The following APBB3 variants were observed in gnomAD, a reference collection of about 807,000 sequenced individuals.
APBB3 encodes the protein amyloid-beta A4 precursor protein-binding family B member 3.
A neutral mutation model predicts 61.5 loss-of-function variants in APBB3; 50 were observed. That is an observed-to-expected ratio of 0.81 (90% CI 0.65 to 1.03). The LOEUF is 1.03. Ranked by LOEUF, APBB3 falls within the 50% of genes least tolerant of loss-of-function variation. The pLI is 0.00. For missense variants in APBB3, 550 were observed against 637.4 expected, an observed-to-expected ratio of 0.86 and a Z score of 1.48; for synonymous variants, 235 against 233.0, an observed-to-expected ratio of 1.01 and a Z score of -0.08.
chr5:140,561,592 C>T lies in APBB3; in HGVS notation c.742G>A (p.Ala248Thr). ...AIASALHGLCAQILSERVEVS... is the reference protein window; with the variant it reads ...AIASALHGLCTQILSERVEVS... ...GCCCCACCCCTGACACTTACCTGGG[C>T]ACAAAGCCCATGTAGGGCACTGGCA... Residue 248 changes from alanine (A) to threonine (T), a missense_variant, in exon 8 of 13, where the codon GCC becomes ACC. Ala to Thr is a moderately conservative substitution (Grantham distance 58). Around this residue, in one of 3 missense-constraint regions of APBB3, gnomAD observed 405 missense variants for 483.4 expected, o/e 0.84. Coordinates refer to ENST00000357560, the MANE Select transcript of APBB3 (RefSeq NM_133173.3). The T allele has an allele frequency of 6.2e-7, 1 of 1,614,176 alleles. No individual in the cohort carries two copies. Among genetic ancestry groups the T allele is most frequent in the South Asian group, 1.1e-5 (1 of 91,084 alleles).
chr5:140,563,170 G>A (rs533389493), intron 3 of APBB3, among the ~76,000 whole-genome samples: 2 of 151,448 alleles, frequency 1.3e-5, no homozygotes, highest in East Asian at 3.9e-4. Flanking sequence ...ACTTGAACCT[G>A]GGAGGCGGAG....
intron 6 of APBB3, 122 bp from the exon 7 acceptor site, chr5:140,561,971 CAGT>C (rs1754976972): frequency 6.2e-7 from 1 of 1,611,056 alleles, no homozygotes; most frequent in East Asian, 2.2e-5. Flanking sequence ...GCAGGGGAAG[CAGT>C]CCTGGGTCCA....
Position 140,560,305 on chromosome 5 carries a change from T to C in APBB3, c.1224+8A>G. 1 of 1,605,602 alleles carries C rather than the reference T, an allele frequency of 6.2e-7. No individual in the cohort carries two copies. Among genetic ancestry groups the C allele is most frequent in the Non-Finnish European group, 8.5e-7 (1 of 1,177,874 alleles). ...AATCCCACCAACCCATTCCCACCCA[T>C]GACTCACCATACAGGCAGCCTGCAC... On this transcript the variant is annotated splice_region_variant and intron_variant, in intron 12 of 12. Transcript: ENST00000357560. This position sits in a 1 kb window ranked among gnomAD's most constrained non-coding sequence, Gnocchi z 5.1.
At position 140,564,419 on chromosome 5, in the gene APBB3, G is replaced by A; in HGVS notation, c.-174C>T. ...CGGGACACGGGCCGGTCCCGGGGGA[G>A]GGCCTGAGCCGCACAGCCCGCCCAG... On this transcript the variant is annotated 5_prime_UTR_variant, in exon 1 of 13. Transcript: ENST00000357560. This position sits in a 1 kb window ranked among gnomAD's most constrained non-coding sequence, Gnocchi z 5.0. 1.4e-6 allele frequency: 1 copy of A among 736,372 alleles called. No individual in the cohort carries two copies. Among genetic ancestry groups the A allele is most frequent in the Non-Finnish European group, 2.2e-6 (1 of 458,730 alleles). 45.6% of individuals were successfully genotyped at this position (736,372 alleles called of 1,614,324 possible). A position where few individuals can be genotyped will look rare whatever the true frequency, so the allele number is the denominator to read the frequency against.
rs1206037366 is a variant in APBB3, at chr5:140,560,811, G to A, written c.917-57C>T. On this transcript the variant is annotated intron_variant, in intron 10 of 12. Coordinates refer to ENST00000357560, the MANE Select transcript of APBB3 (RefSeq NM_133173.3). This position sits in a 1 kb window ranked among gnomAD's most constrained non-coding sequence, Gnocchi z 5.1. ...GTAAAAGAAAGAGTCTGCAGGGAGT[G>A]TCTAGCCCCCTCTCACTGATTTGGG... 6.6e-7 allele frequency: 1 copy of A among 1,517,156 alleles called. No homozygotes were observed. Among genetic ancestry groups the A allele is most frequent in the Non-Finnish European group, 9.1e-7 (1 of 1,094,754 alleles). 94.0% of individuals were successfully genotyped at this position (1,517,156 alleles called of 1,614,324 possible).
rs1800882 is a variant in APBB3, at chr5:140,560,717, G to C, written c.954C>G (p.Thr318=). 2 of 1,614,156 alleles carry C rather than the reference G, an allele frequency of 1.2e-6. No homozygotes were observed. Among genetic ancestry groups the C allele is most frequent in the Non-Finnish European group, 1.7e-6 (2 of 1,180,034 alleles). Residue 318 remains threonine, a synonymous_variant, in exon 11 of 13, where the codon ACC becomes ACG. Transcript: ENST00000357560. The surrounding 1 kb of genome is among the most constrained non-coding windows in gnomAD (Gnocchi z 5.1). ...CCCAGGCATTCCGGTCCCCCCTGGC[G>C]GTGAGGGTACCAATGGCCTCGTTCA... is the stretch of plus-strand genomic sequence containing the variant. ...DVLNEAIGTL[T]ARGDRNAWVP...
chr5:140,560,304 A>G lies in APBB3; in HGVS notation c.1224+9T>C, dbSNP rs774402742. On this transcript the variant is annotated intron_variant, in intron 12 of 12. Coordinates refer to ENST00000357560, the MANE Select transcript of APBB3 (RefSeq NM_133173.3). This position sits in a 1 kb window ranked among gnomAD's most constrained non-coding sequence, Gnocchi z 5.1. ...CAATCCCACCAACCCATTCCCACCC[A>G]TGACTCACCATACAGGCAGCCTGCA... 6.2e-7 allele frequency: 1 copy of G among 1,603,996 alleles called. No homozygotes were observed. Among genetic ancestry groups the G allele is most frequent in the South Asian group, 1.1e-5 (1 of 90,994 alleles).
Position 140,564,397 on chromosome 5 carries a change from G to C in APBB3, c.-152C>G. 7 of 867,562 alleles carry C rather than the reference G, an allele frequency of 8.1e-6. No homozygotes were observed. Among genetic ancestry groups the C allele is most frequent in the Non-Finnish European group, 1.1e-5 (6 of 565,470 alleles). 53.7% of individuals were successfully genotyped at this position (867,562 alleles called of 1,614,324 possible). A position where few individuals can be genotyped will look rare whatever the true frequency, so the allele number is the denominator to read the frequency against. ...AAATACGGGGCGGGACACGGGGCGG[G>C]ACACGGGCCGGTCCCGGGGGAGGGC... is the stretch of plus-strand genomic sequence containing the variant. On this transcript the variant is annotated 5_prime_UTR_variant, in exon 1 of 13. Coordinates refer to ENST00000357560, the MANE Select transcript of APBB3 (RefSeq NM_133173.3). This position sits in a 1 kb window ranked among gnomAD's most constrained non-coding sequence, Gnocchi z 5.0.
chr5:140,560,809 G>C lies in APBB3; in HGVS notation c.917-55C>G. On this transcript the variant is annotated intron_variant, in intron 10 of 12. Transcript: ENST00000357560. This position sits in a 1 kb window ranked among gnomAD's most constrained non-coding sequence, Gnocchi z 5.1. ...GTGTAAAAGAAAGAGTCTGCAGGGA[G>C]TGTCTAGCCCCCTCTCACTGATTTG... The C allele has an allele frequency of 1.3e-6, 2 of 1,529,334 alleles. No individual in the cohort carries two copies. Among genetic ancestry groups the C allele is most frequent in the Non-Finnish European group, 9.0e-7 (1 of 1,104,982 alleles). The allele number at this position is 1,529,334 out of a possible 1,614,324, so 94.7% of individuals were successfully genotyped here.
intron 4 of APBB3, 51 bp from the exon 5 acceptor site, chr5:140,562,550 C>G: frequency 1.9e-6 from 3 of 1,609,946 alleles, no homozygotes; most frequent in Non-Finnish European, 2.5e-6. Flanking sequence ...AGTAGGGTGG[C>G]AGGTGCCACA....
Position 140,562,729 on chromosome 5 carries a change from A to G in APBB3, c.291-6T>C. ...CATACCAGGACAGAGAGTTACTGAA[A>G]CAGAGCAGAGCTGTTAAGAGGACCA... is the stretch of plus-strand genomic sequence containing the variant. On this transcript the variant is annotated splice_region_variant and splice_polypyrimidine_tract_variant and intron_variant, in intron 3 of 12. Coordinates refer to ENST00000357560, the MANE Select transcript of APBB3 (RefSeq NM_133173.3). The G allele has an allele frequency of 6.2e-7, 1 of 1,614,228 alleles. No homozygotes were observed. Among genetic ancestry groups the G allele is most frequent in the Non-Finnish European group, 8.5e-7 (1 of 1,180,034 alleles).
chr5:140,564,461 C>A lies in APBB3; in HGVS notation c.-216G>T, dbSNP rs1755125202. 3.4e-6 allele frequency: 2 copies of A among 589,004 alleles called. No homozygotes were observed. The highest frequency in any genetic ancestry group is 3.1e-5 in the Admixed American group (1 of 32,508). The allele number at this position is 589,004 out of a possible 1,614,324, so 36.5% of individuals were successfully genotyped here. A position where few individuals can be genotyped will look rare whatever the true frequency, so the allele number is the denominator to read the frequency against. On this transcript the variant is annotated 5_prime_UTR_variant, in exon 1 of 13. Transcript: ENST00000357560. This position sits in a 1 kb window ranked among gnomAD's most constrained non-coding sequence, Gnocchi z 5.0. ...CCCGCCCAGGGGTGGTGCGTGTAAA[C>A]GGGCGTCTGGATCCCCGAATGGTTG...
In APBB3 at chr5:140,562,339, C is replaced by T; in HGVS notation, c.498+14G>A. ...GCCCTGGGCCCAAACCATTAAAGGG[C>T]CCAGCCAACTCACCTCACCCCAGGC... On this transcript the variant is annotated intron_variant, in intron 5 of 12. Transcript: ENST00000357560. The T allele has an allele frequency of 6.2e-7, 1 of 1,613,320 alleles. No individual in the cohort carries two copies. The highest frequency in any genetic ancestry group is 8.5e-7 in the Non-Finnish European group (1 of 1,179,570).
In APBB3 at chr5:140,559,188, C is replaced by G. The variant is rs556677377; in HGVS notation, c.1225-367G>C. ...AACCTAGTTCTCTCTGATTGCAGAG[C>G]CTAAACTCTTAATTACATGTACCAC... On this transcript the variant is annotated intron_variant, in intron 12 of 12. Transcript: ENST00000357560. 1.8e-4 allele frequency among the ~76,000 whole-genome samples: 27 copies of G among 152,230 alleles called. No homozygotes were observed. The South Asian group carries it at 5.0e-3, about 28-fold the overall frequency.
chr5:140,558,941 C>T (rs1754826940), intron 12 of APBB3, 120 bp from the exon 13 acceptor site: 1 of 867,028 alleles, frequency 1.2e-6, no homozygotes, highest in South Asian at 1.4e-5. Context: ...TAGTCAGCCA[C>T]ATGTGGAGTT....
At position 140,564,557 on chromosome 5, in the gene APBB3, A is replaced by G. The variant is rs2127136356; in HGVS notation, c.-312T>C. The G allele has an allele frequency of 1.8e-6, 1 of 540,660 alleles. No individual in the cohort carries two copies. Among genetic ancestry groups the G allele is most frequent in the Non-Finnish European group, 3.3e-6 (1 of 305,954 alleles). The allele number at this position is 540,660 out of a possible 1,614,324, so 33.5% of individuals were successfully genotyped here. A position where few individuals can be genotyped will look rare whatever the true frequency, so the allele number is the denominator to read the frequency against. The stretch of plus-strand genomic sequence containing the variant: ...AAACCGCTGACACCACCGCCCAACT[A>G]TGAACTCATCAGGCGCCTGAAGACC... On this transcript the variant is annotated 5_prime_UTR_variant, in exon 1 of 13. It removes the in-frame stop codon of an upstream open reading frame in the 5' UTR. Transcript: ENST00000357560. This position sits in a 1 kb window ranked among gnomAD's most constrained non-coding sequence, Gnocchi z 5.0.
Position 140,561,825 on chromosome 5 carries a change from A to G in APBB3, c.632+19T>C, listed in dbSNP as rs752518398. Reference sequence around the variant, plus strand: ...AGGGACATCAGGGATGGGGCTCAGGATACCTGGTTTTCACTCACCTGTCAC... The same window carrying G: ...AGGGACATCAGGGATGGGGCTCAGGGTACCTGGTTTTCACTCACCTGTCAC... On this transcript the variant is annotated intron_variant, in intron 7 of 12. Coordinates refer to ENST00000357560, the MANE Select transcript of APBB3 (RefSeq NM_133173.3). 2 of 1,613,816 alleles carry G rather than the reference A, an allele frequency of 1.2e-6. No individual in the cohort carries two copies. The highest frequency in any genetic ancestry group is 1.7e-6 in the Non-Finnish European group (2 of 1,179,994).
rs1350406140 is a variant in APBB3 at position 140,558,678 on chromosome 5, C to T, written c.1368G>A (p.Gly456=). The change falls in exon 13 of 13, where the codon GGG becomes GGA. Residue 456 remains glycine (G), a synonymous_variant. Transcript: ENST00000357560. ...GPLPLPLLKG[G]VGGAGATPRK... ...GAGGGGTTGCCCCTGCACCGCCAAC[C>T]CCTCCTTTGAGCAGGGGGAGGGGCA... 1 of 1,613,038 alleles carries T rather than the reference C, an allele frequency of 6.2e-7. No individual in the cohort carries two copies. Among genetic ancestry groups the T allele is most frequent in the African/African-American group, 1.3e-5 (1 of 74,788 alleles).
At position 140,560,589 on chromosome 5, in the gene APBB3, G is replaced by A; in HGVS notation, c.1032+50C>T. On this transcript the variant is annotated intron_variant, in intron 11 of 12. Coordinates refer to ENST00000357560, the MANE Select transcript of APBB3 (RefSeq NM_133173.3). This position sits in a 1 kb window ranked among gnomAD's most constrained non-coding sequence, Gnocchi z 5.1. ...TCCGACAGCAAGCAGTGACCCCTCA[G>A]CATCCCTGCTCACCCCTCCAAAGCC... 6.2e-7 allele frequency: 1 copy of A among 1,608,630 alleles called. No homozygotes were observed. Among genetic ancestry groups the A allele is most frequent in the Non-Finnish European group, 8.5e-7 (1 of 1,175,720 alleles).
Sources: allele counts gnomAD v4.1 joint callset (sites outside exome capture counted in the v4.1 genomes callset), GRCh38; gene constraint gnomAD v4.1.1; regional missense constraint gnomAD v4.1.1; non-coding constraint Gnocchi (gnomAD v3.1); transcripts MANE v1.5; gene names NCBI Gene and HGNC (gene_info 2026-07-23, HGNC 2026-07-21).